CACNA2D1: variants seen among roughly 807,000 people sequenced by gnomAD.
CACNA2D1 encodes the protein voltage-dependent calcium channel subunit alpha-2/delta-1.
In CACNA2D1, 53 loss-of-function variants were observed where a neutral mutation model predicts 171.5. The observed-to-expected ratio is 0.31, with a 90% CI of 0.25 to 0.39. The LOEUF (loss-of-function observed/expected upper bound fraction) is 0.39, where lower values mean the gene tolerates loss of function less well. CACNA2D1 is among the 10% of genes least tolerant of loss of function. The pLI is 1.00. For synonymous variants in CACNA2D1, 442 were observed against 443.1 expected (o/e 1.00, Z 0.03); for missense variants, 903 against 1,299.8 (o/e 0.69, Z 4.69).
At position 81,962,552 on chromosome 7, in the gene CACNA2D1, T is replaced by A. The variant is rs1186778585; in HGVS notation, c.2781-57A>T. On this transcript the variant is annotated intron_variant, in intron 34 of 38. Coordinates refer to ENST00000356860, the MANE Select transcript of CACNA2D1 (RefSeq NM_000722.4). ...TCTAGGGAAAAAATGTGTTTTTACA[T>A]GTACCCATACACATAAATACTGTTT... 8 of 1,043,232 alleles carry A rather than the reference T, an allele frequency of 7.7e-6. No homozygotes were observed. In the Admixed American group the frequency reaches 1.6e-4, roughly 21 times the overall value. The allele number at this position is 1,043,232 out of a possible 1,614,324, so 64.6% of individuals were successfully genotyped here.
At chr7:82,024,963 T>A (rs1321500426) in intron 12 of CACNA2D1, among the ~76,000 whole-genome samples, 1 of 151,440 alleles carries the variant, frequency 6.6e-6, no homozygotes, top group Non-Finnish European at 1.5e-5. Context: ...ATCCATGGAG[T>A]TATTTCTGGG....
At chr7:81,969,796 G>T in intron 28 of CACNA2D1, 85 bp downstream of exon 28, 3 of 758,300 alleles carry the variant, frequency 4.0e-6, no homozygotes, top group Non-Finnish European at 7.0e-6. Context: ...AACATAAAAT[G>T]TAGTGATTTG....
intron 1 of CACNA2D1, 88 bp downstream of exon 1, chr7:82,443,277 A>T: frequency 1.0e-5 from 11 of 1,105,212 alleles, no homozygotes; most frequent in African/African-American, 1.6e-5. Flanking sequence ...CCACGGGCGG[A>T]AAAGCCCCGC....
At chr7:82,065,408 G>A (rs1807487571) in intron 8 of CACNA2D1, among the ~76,000 whole-genome samples, 1 of 152,050 alleles carries the variant, frequency 6.6e-6, no homozygotes, top group African/African-American at 2.4e-5. Context: ...TCTACTGATT[G>A]GCACCCAGCT....
chr7:82,233,762 A>G (rs1408719486), intron 3 of CACNA2D1, among the ~76,000 whole-genome samples: 1 of 152,136 alleles, frequency 6.6e-6, no homozygotes, highest in African/African-American at 2.4e-5. Flanking sequence ...TTATATTTGC[A>G]TAACAGGATT....
chr7:82,117,747 C>G (rs1422183821), intron 5 of CACNA2D1, among the ~76,000 whole-genome samples: 2 of 152,140 alleles, frequency 1.3e-5, no homozygotes, highest in Non-Finnish European at 2.9e-5. Context: ...CATCACCACA[C>G]TCTAGCCTGG....
At chr7:82,368,187 T>C (rs1305299383) in intron 1 of CACNA2D1, among the ~76,000 whole-genome samples, 1 of 152,190 alleles carries the variant, frequency 6.6e-6, no homozygotes, top group African/African-American at 2.4e-5. Flanking sequence ...CTGCTTTGGT[T>C]ATGGGAATGC....
At chr7:82,404,634 A>G (rs1214007693) in intron 1 of CACNA2D1, among the ~76,000 whole-genome samples, 1 of 152,232 alleles carries the variant, frequency 6.6e-6, no homozygotes, top group Admixed American at 6.5e-5. Context: ...GCAAAACTCT[A>G]ATTCCACACT....
At chr7:82,043,513 T>C (rs1433566659) in intron 10 of CACNA2D1, among the ~76,000 whole-genome samples, 1 of 152,146 alleles carries the variant, frequency 6.6e-6, no homozygotes, top group African/African-American at 2.4e-5. Flanking sequence ...TTTGAAACAG[T>C]TTCTGATAAA....
intron 3 of CACNA2D1, among the ~76,000 whole-genome samples, chr7:82,247,121 ATACAAT>A (rs572294942): frequency 1.7e-4 from 26 of 152,294 alleles, no homozygotes; most frequent in Admixed American, 1.4e-3. Flanking sequence ...AAGTGGGGAA[ATACAAT>A]TACAGTAAGT....
intron 3 of CACNA2D1, among the ~76,000 whole-genome samples, chr7:82,269,395 T>A (rs1808333311): frequency 6.6e-6 from 1 of 152,174 alleles, no homozygotes; most frequent in South Asian, 2.1e-4. Context: ...ACAAGACCCT[T>A]CATTACTGTC....
intron 1 of CACNA2D1, among the ~76,000 whole-genome samples, chr7:82,402,560 AATT>A (rs1275182087): frequency 6.6e-6 from 1 of 151,774 alleles, no homozygotes; most frequent in Non-Finnish European, 1.5e-5. Flanking sequence ...AAAATACAAA[AATT>A]AGCCAGACGT....
intron 3 of CACNA2D1, among the ~76,000 whole-genome samples, chr7:82,216,646 T>C (rs1206548622): frequency 6.6e-6 from 1 of 152,118 alleles, no homozygotes; most frequent in African/African-American, 2.4e-5. Flanking sequence ...ATCACCATAA[T>C]GAGATAGTTT....
chr7:82,297,072 CAAAAAAAAAA>C lies in CACNA2D1; in HGVS notation c.294+38053_294+38062del, dbSNP rs57473351. On this transcript the variant is annotated intron_variant, in intron 3 of 38. Transcript: ENST00000356860. ...AAACATAGTGAGGCTCTGTGTCTAC[CAAAAAAAAAA>C]AAAAAAAAAAAAAAATTAGCCAGGT... 7.6e-4 allele frequency among the ~76,000 whole-genome samples: 55 copies of C among 72,240 alleles called. 3 individuals carry two copies. Among genetic ancestry groups the C allele is most frequent in the Admixed American group, 7.2e-3 (46 of 6,350 alleles). The allele number at this position is 72,240 out of a possible 152,430, so 47.4% of individuals were successfully genotyped here.
chr7:81,980,250 T>C (rs1274182756), intron 24 of CACNA2D1, among the ~76,000 whole-genome samples: 3 of 130,548 alleles, frequency 2.3e-5, no homozygotes, highest in Non-Finnish European at 4.7e-5. Flanking sequence ...AAATTTAGAG[T>C]ACGGGTAGGG....
intron 1 of CACNA2D1, among the ~76,000 whole-genome samples, chr7:82,359,113 G>A (rs948313708): frequency 2.6e-5 from 4 of 151,994 alleles, no homozygotes; most frequent in South Asian, 2.1e-4. Flanking sequence ...GATGCCAGCC[G>A]AGGTGTCCCA....
At chr7:82,093,033 TTTTC>T (rs1811408588) in intron 6 of CACNA2D1, among the ~76,000 whole-genome samples, 1 of 151,942 alleles carries the variant, frequency 6.6e-6, no homozygotes, top group Non-Finnish European at 1.5e-5. Flanking sequence ...ATACTATAGA[TTTTC>T]TTTCTGGTGA....
intron 1 of CACNA2D1, among the ~76,000 whole-genome samples, chr7:82,415,032 CTTTAAAA>C (rs1828027111): frequency 6.6e-6 from 1 of 152,188 alleles, no homozygotes; most frequent in African/African-American, 2.4e-5. Context: ...TTAAACAAGT[CTTTAAAA>C]GCCTAACGTT....
chr7:82,048,323 C>G (rs1301685989), intron 10 of CACNA2D1, among the ~76,000 whole-genome samples: 2 of 152,074 alleles, frequency 1.3e-5, no homozygotes, highest in Admixed American at 1.3e-4. Flanking sequence ...GATTTCATAA[C>G]ATTTTAAAAT....
Sources: allele counts gnomAD v4.1 joint callset (sites outside exome capture counted in the v4.1 genomes callset), GRCh38; gene constraint gnomAD v4.1.1; transcripts MANE v1.5; gene names NCBI Gene and HGNC (gene_info 2026-07-23, HGNC 2026-07-21).